The following RBM25 variants were observed in gnomAD, a reference collection of about 807,000 sequenced individuals.
RBM25 encodes the protein RNA binding motif protein 25.
RBM25 carries 19 observed loss-of-function variants against 120.7 expected under a neutral mutation model. That is an observed-to-expected ratio of 0.16 (90% CI 0.11 to 0.23). The LOEUF (loss-of-function observed/expected upper bound fraction) is 0.23, where lower values mean the gene tolerates loss of function less well. Among genes scored for constraint, RBM25 ranks in the 10% least tolerant of loss-of-function variants. RBM25 has a pLI of 1.00. For synonymous variants in RBM25, 390 were observed against 326.7 expected, an observed-to-expected ratio of 1.19 and a Z score of -2.09; for missense variants, 605 against 1,041.5, an observed-to-expected ratio of 0.58 and a Z score of 5.77.
intron 4 of RBM25, among the ~76,000 whole-genome samples, chr14:73,078,260 G>A (rs879338037): frequency 2.0e-5 from 3 of 151,938 alleles, no homozygotes; most frequent in East Asian, 1.9e-4. Flanking sequence ...CTGAGGTCGC[G>A]CTACTGCACT....
intron 13 of RBM25, 30 bp from the exon 14 acceptor site, chr14:73,109,312 A>AATG: frequency 6.2e-7 from 1 of 1,600,406 alleles, no homozygotes. Context: ...CGGAGTATTA[A>AATG]ATGAAGCCTT....
intron 16 of RBM25, 68 bp from the exon 17 acceptor site, chr14:73,112,084 A>G (rs1457047510): frequency 7.1e-6 from 10 of 1,398,646 alleles, no homozygotes; most frequent in East Asian, 2.3e-5. Flanking sequence ...AGGAAAAATC[A>G]TGAAGCTTTA....
At chr14:73,082,949 G>T (rs1342475257) in intron 4 of RBM25, among the ~76,000 whole-genome samples, 1 of 151,746 alleles carries the variant, frequency 6.6e-6, no homozygotes, top group Non-Finnish European at 1.5e-5. Flanking sequence ...GCGTGGTGGT[G>T]CCTGCATGTA....
intron 4 of RBM25, among the ~76,000 whole-genome samples, chr14:73,082,079 A>G (rs1895576532): frequency 6.6e-6 from 1 of 152,152 alleles, no homozygotes; most frequent in African/African-American, 2.4e-5. Context: ...TTGAGCTTCC[A>G]GGTTTGACCT....
intron 1 of RBM25, among the ~76,000 whole-genome samples, chr14:73,065,713 C>A (rs1267350430): frequency 6.6e-6 from 1 of 150,866 alleles, no homozygotes; most frequent in East Asian, 1.9e-4. Context: ...CCACCTCACC[C>A]AGCCCAGTGT....
At chr14:73,119,607 G>A in intron 18 of RBM25, 106 bp from the exon 19 acceptor site, 1 of 1,548,548 alleles carries the variant, frequency 6.5e-7, no homozygotes, top group Non-Finnish European at 8.7e-7. Context: ...TAAGTAATAA[G>A]TGCTTATTGT....
intron 1 of RBM25, chr14:73,068,254 A>C: frequency 2.3e-6 from 2 of 860,760 alleles, no homozygotes; most frequent in Non-Finnish European, 3.9e-6. Context: ...TATTTTTATA[A>C]ACCATTTAGA....
intron 2 of RBM25, among the ~76,000 whole-genome samples, chr14:73,073,490 C>G (rs979849305): frequency 6.6e-6 from 1 of 152,174 alleles, no homozygotes; most frequent in Non-Finnish European, 1.5e-5. Flanking sequence ...GAGTTAGAGA[C>G]CAGTCTGGCC....
intron 4 of RBM25, among the ~76,000 whole-genome samples, chr14:73,079,794 T>C (rs1467776143): frequency 6.6e-6 from 1 of 150,696 alleles, no homozygotes; most frequent in East Asian, 1.9e-4. Flanking sequence ...GGTTTCTCAG[T>C]TTTGTTTTCT....
chr14:73,099,643 C>T (rs1160598050), intron 8 of RBM25, 24 bp from the exon 9 acceptor site: 29 of 1,589,742 alleles, frequency 1.8e-5, no homozygotes, highest in Non-Finnish European at 2.5e-5. Flanking sequence ...TTATTCATTC[C>T]CTCCTGTGCC....
chr14:73,099,495 T>C lies in RBM25; in HGVS notation c.783+62T>C. On this transcript the variant is annotated intron_variant, in intron 8 of 18. Coordinates refer to ENST00000261973, the MANE Select transcript of RBM25 (RefSeq NM_021239.3). ...TTACTGCTGATTGTTGATTTGTCAT[T>C]CTTGTCTATCTGATTTTTCACTATT... The C allele has an allele frequency of 2.5e-6, 4 of 1,588,004 alleles. No homozygotes were observed. In the East Asian group the frequency reaches 8.9e-5, roughly 35 times the overall value.
intron 1 of RBM25, among the ~76,000 whole-genome samples, chr14:73,070,271 G>C (rs1895251867): frequency 6.6e-6 from 1 of 151,862 alleles, no homozygotes; most frequent in African/African-American, 2.4e-5. Context: ...TGGTGAGGCT[G>C]GTCTCGAACT....
intron 18 of RBM25, among the ~76,000 whole-genome samples, chr14:73,114,947 C>T (rs1269493138): frequency 6.6e-6 from 1 of 152,166 alleles, no homozygotes; most frequent in East Asian, 1.9e-4. Context: ...CATGTTTTCC[C>T]TATGCCCAGC....
chr14:73,112,451 C>T (rs560249265), intron 17 of RBM25, among the ~76,000 whole-genome samples: 175 of 151,560 alleles, frequency 1.2e-3, no homozygotes, highest in African/African-American at 4.0e-3. Flanking sequence ...AGATTTATGT[C>T]TGCTTTAATG....
intron 2 of RBM25, among the ~76,000 whole-genome samples, chr14:73,074,167 G>C (rs144074074): frequency 6.6e-6 from 1 of 152,250 alleles, no homozygotes; most frequent in East Asian, 1.9e-4. Context: ...CGTATATCCT[G>C]ATTTTCTTCA....
chr14:73,117,804 T>A (rs1407567346), intron 18 of RBM25, among the ~76,000 whole-genome samples: 2 of 152,046 alleles, frequency 1.3e-5, no homozygotes, highest in African/African-American at 4.8e-5. Flanking sequence ...TACTCTAAAT[T>A]CCTACCCCAA....
rs200660534 is a variant in RBM25, at chr14:73,085,213, TTCACCGTGTTGG to T, written c.382+1663_382+1674del. ...TTTGTACTTTTAGTAGAGACAGGGT[TTCACCGTGTTGG>T]CCAGGAGGGTCTCGATCTCCTGATC... On this transcript the variant is annotated intron_variant, in intron 5 of 18. Transcript: ENST00000261973. 8.2e-3 allele frequency among the ~76,000 whole-genome samples: 1,247 copies of T among 151,932 alleles called. 17 individuals are homozygous for T. Among genetic ancestry groups the T allele is most frequent in the African/African-American group, 0.029 (1,193 of 41,450 alleles).
intron 5 of RBM25, among the ~76,000 whole-genome samples, chr14:73,086,925 G>C (rs902832679): frequency 1.3e-5 from 2 of 152,114 alleles, no homozygotes; most frequent in African/African-American, 2.4e-5. Context: ...GGCTGGTCTG[G>C]AACTCCTGAT....
chr14:73,103,559 A>G, intron 10 of RBM25, 81 bp downstream of exon 10: 2 of 1,497,238 alleles, frequency 1.3e-6, no homozygotes, highest in South Asian at 1.4e-5. Flanking sequence ...ATTTGCATTC[A>G]TGGAATGAGA....
Sources: gnomAD v4.1 joint callset for allele counts (sites outside exome capture counted in the v4.1 genomes callset) on GRCh38, gnomAD v4.1.1 for gene constraint, MANE v1.5 for transcripts, NCBI Gene and HGNC (gene_info 2026-07-23, HGNC 2026-07-21) for gene names.